Variants in RTN1 observed in about 807,000 individuals in gnomAD.
RTN1 encodes reticulon 1.
A neutral mutation model predicts 65.5 loss-of-function variants in RTN1; 25 were observed. That is an observed-to-expected ratio of 0.38 (90% CI 0.28 to 0.53). The LOEUF is 0.53. Ranked by LOEUF, RTN1 falls within the 20% of genes least tolerant of loss-of-function variation. The probability of loss-of-function intolerance (pLI) is 0.79; values close to 1 mark genes in which losing one functional copy is unlikely to be tolerated. For synonymous variants in RTN1, 471 were observed against 447.6 expected (o/e 1.05, Z -0.66); for missense variants, 983 against 1,025.4 (o/e 0.96, Z 0.57).
Position 59,603,047 on chromosome 14 carries a change from TTGCAC to T in RTN1, c.2288+13_2288+17del, listed in dbSNP as rs1566656836. On this transcript the variant is annotated intron_variant, in intron 8 of 8. Coordinates refer to ENST00000267484, the MANE Select transcript of RTN1 (RefSeq NM_021136.3). ...GTAAGAGAGTCTCTCCTTTTATGCATTGCACTATGTGACTTACTTTGCCACAACAG... is the reference window on the plus strand; with the variant it reads ...GTAAGAGAGTCTCTCCTTTTATGCATTATGTGACTTACTTTGCCACAACAG... 1 of 1,609,234 alleles carries T rather than the reference TTGCAC, an allele frequency of 6.2e-7. No homozygotes were observed. The highest frequency in any genetic ancestry group is 1.1e-5 in the South Asian group (1 of 90,706).
At chr14:59,655,801 T>G (rs1220401292) in intron 3 of RTN1, among the ~76,000 whole-genome samples, 1 of 152,148 alleles carries the variant, frequency 6.6e-6, no homozygotes, top group Non-Finnish European at 1.5e-5. Context: ...AAGAACAAAT[T>G]TGGACCTCTG....
intron 1 of RTN1, among the ~76,000 whole-genome samples, chr14:59,854,870 T>C (rs1467896591): frequency 6.6e-6 from 1 of 152,148 alleles, no homozygotes. Context: ...TTATTGAGAT[T>C]AAGGATAGGA....
chr14:59,808,591 G>A (rs905609553), intron 1 of RTN1, among the ~76,000 whole-genome samples: 3 of 152,146 alleles, frequency 2.0e-5, no homozygotes, highest in African/African-American at 4.8e-5. Flanking sequence ...GGAGGCTTAC[G>A]TTTACAAGGC....
At chr14:59,691,496 C>G (rs1340574140) in intron 3 of RTN1, among the ~76,000 whole-genome samples, 1 of 152,104 alleles carries the variant, frequency 6.6e-6, no homozygotes, top group African/African-American at 2.4e-5. Context: ...CCAAATCCTA[C>G]CAGACATACA....
intron 1 of RTN1, among the ~76,000 whole-genome samples, chr14:59,821,748 C>T (rs1886948227): frequency 6.6e-6 from 1 of 152,154 alleles, no homozygotes. Context: ...TATTGAAAGC[C>T]TTTCTGCATC....
intron 3 of RTN1, among the ~76,000 whole-genome samples, chr14:59,724,715 T>C (rs1169918247): frequency 7.1e-6 from 1 of 139,916 alleles, no homozygotes; most frequent in East Asian, 2.1e-4. Flanking sequence ...AGTGAAACTC[T>C]GTGTCAGACG....
chr14:59,684,388 C>A (rs773117169), intron 3 of RTN1, among the ~76,000 whole-genome samples: 1 of 152,006 alleles, frequency 6.6e-6, no homozygotes, highest in Non-Finnish European at 1.5e-5. Context: ...ATTAGGACTT[C>A]TCTACTTTAT....
In RTN1 at chr14:59,727,097, C is replaced by T. The variant is rs780538832; in HGVS notation, c.1587G>A (p.Glu529=). 2.5e-6 allele frequency: 4 copies of T among 1,611,092 alleles called. No individual in the cohort carries two copies. The Admixed American group carries it at 6.7e-5, about 27-fold the overall frequency. ...PGSFLDYPST[E]PQPGPELPPG... The stretch of plus-strand genomic sequence containing the variant: ...GGGGCAGCTCGGGGCCAGGCTGGGG[C>T]TCAGTTGAGGGGTAGTCGAGGAAGG... Residue 529 remains glutamate, a synonymous_variant, in exon 3 of 9, where the codon GAG becomes GAA. Coordinates refer to ENST00000267484, the MANE Select transcript of RTN1 (RefSeq NM_021136.3). The surrounding 1 kb of genome is among the most constrained non-coding windows in gnomAD (Gnocchi z 4.2).
chr14:59,747,615 C>CA (rs1885255790), intron 1 of RTN1, among the ~76,000 whole-genome samples: 1 of 151,630 alleles, frequency 6.6e-6, no homozygotes, highest in Non-Finnish European at 1.5e-5. Flanking sequence ...TCAAAAAAAA[C>CA]AAAAAAATAG....
chr14:59,649,160 G>T (rs1882967079), intron 3 of RTN1, among the ~76,000 whole-genome samples: 1 of 152,156 alleles, frequency 6.6e-6, no homozygotes, highest in Admixed American at 6.5e-5. Flanking sequence ...AATGGGGAAA[G>T]GATGCCCTAT....
At chr14:59,813,333 T>C (rs886154542) in intron 1 of RTN1, among the ~76,000 whole-genome samples, 5 of 152,176 alleles carry the variant, frequency 3.3e-5, no homozygotes, top group African/African-American at 1.2e-4. Context: ...TTGAAGCCAA[T>C]TGTTAAATGT....
chr14:59,666,925 G>C (rs1395863991), intron 3 of RTN1, among the ~76,000 whole-genome samples: 4 of 116,828 alleles, frequency 3.4e-5, no homozygotes, highest in African/African-American at 1.3e-4. Flanking sequence ...CCAATATCAA[G>C]TTCTGAAATT....
chr14:59,847,188 A>T (rs1388931741), intron 1 of RTN1, among the ~76,000 whole-genome samples: 2 of 152,180 alleles, frequency 1.3e-5, no homozygotes, highest in African/African-American at 4.8e-5. Context: ...ATTTCTTCAC[A>T]TAAAATATCA....
chr14:59,714,834 T>G (rs1328654166), intron 3 of RTN1, among the ~76,000 whole-genome samples: 1 of 152,206 alleles, frequency 6.6e-6, no homozygotes, highest in African/African-American at 2.4e-5. Context: ...TGTTAGGAAC[T>G]GGGCCACACA....
At chr14:59,600,739 A>G (rs1290363063) in intron 8 of RTN1, among the ~76,000 whole-genome samples, 2 of 152,236 alleles carry the variant, frequency 1.3e-5, no homozygotes, top group African/African-American at 4.8e-5. Flanking sequence ...GGAAATTCAG[A>G]GCCAACTCTG....
chr14:59,819,798 C>G (rs1255710136), intron 1 of RTN1, among the ~76,000 whole-genome samples: 1 of 152,176 alleles, frequency 6.6e-6, no homozygotes, highest in Admixed American at 6.5e-5. Flanking sequence ...GCATCCTACT[C>G]AGCTGCTGGC....
chr14:59,766,334 G>C lies in RTN1; in HGVS notation c.242-19853C>G, dbSNP rs1377295921. 3.3e-5 allele frequency among the ~76,000 whole-genome samples: 5 copies of C among 152,216 alleles called. No individual in the cohort carries two copies. The highest frequency in any genetic ancestry group is 7.3e-5 in the Non-Finnish European group (5 of 68,040). The stretch of plus-strand genomic sequence containing the variant: ...GAAAAGAGCAGCTGGATAGAAAACA[G>C]AGAATTAAATTTTCCTGTCCTAAGT... On this transcript the variant is annotated intron_variant, in intron 1 of 8. Coordinates refer to ENST00000267484, the MANE Select transcript of RTN1 (RefSeq NM_021136.3). The surrounding 1 kb of genome is among the most constrained non-coding windows in gnomAD (Gnocchi z 4.4).
At chr14:59,705,619 T>C (rs1241830768) in intron 3 of RTN1, among the ~76,000 whole-genome samples, 1 of 152,186 alleles carries the variant, frequency 6.6e-6, no homozygotes, top group East Asian at 1.9e-4. Context: ...TTTTTGAAGA[T>C]ATGAGAAAAC....
Position 59,746,459 on chromosome 14 carries a change from G to A in RTN1, c.264C>T (p.Ala88=). The stretch of plus-strand genomic sequence containing the variant: ...ATGTTGTTGAGAAGGTGTGGTCCAT[G>A]GCACTGGAAACACCTGCCACACCTA... ...ASTGVAGVSS[A]MDHTFSTTSK... Residue 88 remains alanine (A), a synonymous_variant, in exon 2 of 9, where the codon GCC becomes GCT. Coordinates refer to ENST00000267484, the MANE Select transcript of RTN1 (RefSeq NM_021136.3). The A allele has an allele frequency of 6.3e-7, 1 of 1,595,060 alleles. No individual in the cohort carries two copies. Among genetic ancestry groups the A allele is most frequent in the Non-Finnish European group, 8.5e-7 (1 of 1,171,214 alleles).
Sources: gnomAD v4.1 joint callset for allele counts (sites outside exome capture counted in the v4.1 genomes callset) on GRCh38, gnomAD v4.1.1 for gene constraint, Gnocchi (gnomAD v3.1) non-coding constraint, MANE v1.5 for transcripts, NCBI Gene and HGNC (gene_info 2026-07-23, HGNC 2026-07-21) for gene names.